Variants in TMEM117 observed in about 807,000 individuals in gnomAD.
TMEM117 encodes transmembrane protein 117.
A neutral mutation model predicts 52.4 loss-of-function variants in TMEM117; 27 were observed. The observed-to-expected ratio is 0.51, with a 90% CI of 0.38 to 0.71. TMEM117 has a LOEUF of 0.71. TMEM117 is among the 30% of genes least tolerant of loss of function. The pLI is 0.00. For synonymous variants in TMEM117, 215 were observed against 206.3 expected (o/e 1.04, Z -0.36); for missense variants, 556 against 630.5 (o/e 0.88, Z 1.26).
chr12:44,111,890 C>A (rs1347525547), intron 3 of TMEM117, among the ~76,000 whole-genome samples: 1 of 89,922 alleles, frequency 1.1e-5, no homozygotes, highest in Non-Finnish European at 2.0e-5. Context: ...TCTGGGTGCT[C>A]CTGTATTGGG....
chr12:43,993,279 C>T (rs771559584), intron 3 of TMEM117, among the ~76,000 whole-genome samples: 2 of 152,186 alleles, frequency 1.3e-5, no homozygotes, highest in Non-Finnish European at 2.9e-5. Flanking sequence ...GTAACACCTA[C>T]TTTACAGATG....
chr12:43,859,276 G>A (rs1943448581), intron 2 of TMEM117, among the ~76,000 whole-genome samples: 1 of 152,154 alleles, frequency 6.6e-6, no homozygotes. Flanking sequence ...AAAGTTGTGG[G>A]GAAGGAACGG....
chr12:44,107,264 C>T (rs552273496), intron 3 of TMEM117, among the ~76,000 whole-genome samples: 2 of 152,192 alleles, frequency 1.3e-5, no homozygotes, highest in Non-Finnish European at 2.9e-5. Flanking sequence ...AGGATTTGAA[C>T]CTAGCCTCCT....
intron 3 of TMEM117, among the ~76,000 whole-genome samples, chr12:44,138,379 G>A (rs1423875579): frequency 1.3e-5 from 2 of 151,900 alleles, no homozygotes; most frequent in Non-Finnish European, 1.5e-5. Flanking sequence ...AATGTTGAGA[G>A]TAAAGGAAAG....
chr12:44,039,450 C>A (rs1276299230), intron 3 of TMEM117, among the ~76,000 whole-genome samples: 1 of 150,972 alleles, frequency 6.6e-6, no homozygotes, highest in Non-Finnish European at 1.5e-5. Context: ...CTTTGCTCTT[C>A]AGAAACTTTG....
intron 3 of TMEM117, among the ~76,000 whole-genome samples, chr12:44,047,050 G>A (rs2137913439): frequency 6.6e-6 from 1 of 151,998 alleles, no homozygotes; most frequent in East Asian, 1.9e-4. Flanking sequence ...TTGGATTGAG[G>A]GATACAAAGT....
At chr12:44,067,915 T>G (rs1273488824) in intron 3 of TMEM117, among the ~76,000 whole-genome samples, 1 of 152,206 alleles carries the variant, frequency 6.6e-6, no homozygotes, top group Admixed American at 6.5e-5. Flanking sequence ...TTTATTTCCA[T>G]TGAAAATCTG....
Position 44,235,981 on chromosome 12 carries a change from C to T in TMEM117, c.608+24594C>T, listed in dbSNP as rs559429255. Among the ~76,000 whole-genome samples the T allele has an allele frequency of 1.6e-4, 25 of 151,742 alleles. No individual in the cohort carries two copies. The South Asian group carries it at 2.9e-3, about 18-fold the overall frequency. On this transcript the variant is annotated intron_variant, in intron 5 of 7. Transcript: ENST00000266534. ...CCATTGTTTCTGTTAAGGAGATGGC[C>T]GCTTAGTCTGTCCTTTCTCTGTAGC...
At chr12:44,084,757 A>G (rs1406307523) in intron 3 of TMEM117, among the ~76,000 whole-genome samples, 1 of 152,154 alleles carries the variant, frequency 6.6e-6, no homozygotes, top group Non-Finnish European at 1.5e-5. Flanking sequence ...CATAACAATG[A>G]CCATATGGAT....
At chr12:43,998,286 G>C (rs1422874705) in intron 3 of TMEM117, among the ~76,000 whole-genome samples, 1 of 152,166 alleles carries the variant, frequency 6.6e-6, no homozygotes, top group Non-Finnish European at 1.5e-5. Flanking sequence ...TGTTGTCAGG[G>C]CTCCAGCCAA....
chr12:43,844,147 A>C lies in TMEM117; in HGVS notation c.-28-477A>C, dbSNP rs74888682. The stretch of plus-strand genomic sequence containing the variant: ...GCCCAGAAGCTCAAGACCAACATGG[A>C]GAAACCCTGTCTCTACAGAAAATAC... On this transcript the variant is annotated intron_variant, in intron 1 of 7. Coordinates refer to ENST00000266534, the MANE Select transcript of TMEM117 (RefSeq NM_032256.3). 8.7e-3 allele frequency among the ~76,000 whole-genome samples: 1,323 copies of C among 152,294 alleles called. 36 individuals are homozygous for C. The highest frequency in any genetic ancestry group is 0.066 in the East Asian group (340 of 5,172).
intron 4 of TMEM117, among the ~76,000 whole-genome samples, chr12:44,148,459 A>G (rs1350140558): frequency 6.6e-6 from 1 of 152,200 alleles, no homozygotes; most frequent in African/African-American, 2.4e-5. Context: ...TGATTTTAGA[A>G]AAAAGGTATT....
At chr12:44,321,996 T>C (rs1951136757) in intron 6 of TMEM117, among the ~76,000 whole-genome samples, 1 of 152,194 alleles carries the variant, frequency 6.6e-6, no homozygotes, top group South Asian at 2.1e-4. Flanking sequence ...AAACAGGGAT[T>C]CTCATAAAAT....
At chr12:43,902,166 G>T (rs1000414848) in intron 2 of TMEM117, among the ~76,000 whole-genome samples, 5 of 152,248 alleles carry the variant, frequency 3.3e-5, no homozygotes, top group African/African-American at 1.2e-4. Flanking sequence ...GTGATCTAGG[G>T]AACCTGGAAG....
the TMEM117 span, chr12:43,806,158 C>T: frequency 6.5e-7 from 1 of 1,534,324 alleles, no homozygotes; most frequent in Non-Finnish European, 8.7e-7. Flanking sequence ...GTCCTGCAGC[C>T]CTCCCGGCTC....
chr12:43,969,065 C>G (rs11182356), intron 3 of TMEM117, among the ~76,000 whole-genome samples: 4 of 149,312 alleles, frequency 2.7e-5, no homozygotes, highest in African/African-American at 7.7e-5. Flanking sequence ...CACAGTATCA[C>G]TAATCAAAGA....
intron 5 of TMEM117, among the ~76,000 whole-genome samples, chr12:44,212,793 C>A (rs867025930): frequency 6.6e-6 from 1 of 151,028 alleles, no homozygotes; most frequent in Non-Finnish European, 1.5e-5. Flanking sequence ...TTAATTCTGG[C>A]GGTTGATTTT....
chr12:44,337,487 T>A (rs1290819640), intron 6 of TMEM117, among the ~76,000 whole-genome samples: 1 of 152,000 alleles, frequency 6.6e-6, no homozygotes, highest in Non-Finnish European at 1.5e-5. Flanking sequence ...GGTAAGAATG[T>A]CACAGAGCTG....
At chr12:44,167,457 A>G (rs779057445) in intron 4 of TMEM117, among the ~76,000 whole-genome samples, 1 of 152,240 alleles carries the variant, frequency 6.6e-6, no homozygotes, top group Non-Finnish European at 1.5e-5. Context: ...TCAAGAGGCC[A>G]GGAGATCGAG....
Sources: gnomAD v4.1 joint callset for allele counts (sites outside exome capture counted in the v4.1 genomes callset) on GRCh38, gnomAD v4.1.1 for gene constraint, MANE v1.5 for transcripts, NCBI Gene and HGNC (gene_info 2026-07-23, HGNC 2026-07-21) for gene names.